EML5: variants seen among roughly 807,000 people sequenced by gnomAD.
The protein encoded by EML5 is EMAP like 5.
A neutral mutation model predicts 250.0 loss-of-function variants in EML5; 120 were observed. That is an observed-to-expected ratio of 0.48 (90% CI 0.41 to 0.56). The LOEUF (loss-of-function observed/expected upper bound fraction) is 0.56, where lower values mean the gene tolerates loss of function less well. Ranked by LOEUF, EML5 falls within the 20% of genes least tolerant of loss-of-function variation. The probability of loss-of-function intolerance (pLI) is 0.00; values close to 1 mark genes in which losing one functional copy is unlikely to be tolerated. For synonymous variants in EML5, 771 were observed against 806.5 expected, an observed-to-expected ratio of 0.96 and a Z score of 0.75; for missense variants, 2,006 against 2,437.6, an observed-to-expected ratio of 0.82 and a Z score of 3.73.
intron 32 of EML5, among the ~76,000 whole-genome samples, chr14:88,635,628 C>T (rs1459189237): frequency 2.6e-5 from 4 of 152,150 alleles, no homozygotes; most frequent in African/African-American, 9.7e-5. Flanking sequence ...AAGGCAGATA[C>T]CAATTTAGAA....
At chr14:88,695,518 T>C (rs975953295) in intron 15 of EML5, 64 bp from the exon 16 acceptor site, 11 of 1,415,704 alleles carry the variant, frequency 7.8e-6, no homozygotes, top group Admixed American at 2.0e-5. Context: ...AAACATTCAG[T>C]ATATATTCTA....
chr14:88,616,817 C>T lies in EML5; in HGVS notation c.5705G>A (p.Cys1902Tyr). 1.9e-6 allele frequency: 3 copies of T among 1,613,900 alleles called. No individual in the cohort carries two copies. Among genetic ancestry groups the T allele is most frequent in the East Asian group, 4.5e-5 (2 of 44,862 alleles). Residue 1902 changes from cysteine (C) to tyrosine (Y), a missense_variant, in exon 42 of 44, where the codon TGT (cysteine) becomes TAT (tyrosine). Coordinates refer to ENST00000554922, the MANE Select transcript of EML5 (RefSeq NM_183387.3). Reference sequence around the variant, plus strand: ...GATTCCTGAATGAGATACACAGGCACAGTTGACATCAGCTTTCTCAGCATG... The same window carrying T: ...GATTCCTGAATGAGATACACAGGCATAGTTGACATCAGCTTTCTCAGCATG... The part of the protein sequence containing the change: ...SRHAEKADVN[C>Y]ACVSHSGISL...
chr14:88,688,148 C>G, intron 18 of EML5, 123 bp downstream of exon 18: 1 of 903,834 alleles, frequency 1.1e-6, no homozygotes, highest in Non-Finnish European at 1.7e-6. Context: ...CAAGATGACC[C>G]TAGCCCACAG....
At chr14:88,787,344 A>T (rs1269069033) in intron 1 of EML5, among the ~76,000 whole-genome samples, 1 of 152,258 alleles carries the variant, frequency 6.6e-6, no homozygotes, top group African/African-American at 2.4e-5. Context: ...TGCACAAAAC[A>T]GAAGCTCAAC....
chr14:88,792,690 A>G lies in EML5; in HGVS notation c.-187T>C. On this transcript the variant is annotated 5_prime_UTR_variant, in exon 1 of 44. Transcript: ENST00000554922. The surrounding 1 kb of genome is among the most constrained non-coding windows in gnomAD (Gnocchi z 6.9). Reference sequence around the variant, plus strand: ...GCCTCAGCCCACAGGCGGGAGGAAAACCCTCGCCTCGCGGAACATGCTGAG... The same window carrying G: ...GCCTCAGCCCACAGGCGGGAGGAAAGCCCTCGCCTCGCGGAACATGCTGAG... 8.9e-7 allele frequency: 1 copy of G among 1,126,426 alleles called. No individual in the cohort carries two copies. The highest frequency in any genetic ancestry group is 1.1e-6 in the Non-Finnish European group (1 of 921,466). 69.8% of individuals were successfully genotyped at this position (1,126,426 alleles called of 1,614,324 possible).
At chr14:88,685,255 C>A (rs1297347484) in intron 19 of EML5, 113 bp from the exon 20 acceptor site, 1 of 864,026 alleles carries the variant, frequency 1.2e-6, no homozygotes, top group Non-Finnish European at 1.6e-6. Context: ...AAGGTTTTCT[C>A]CTGTATTTTA....
Position 88,657,381 on chromosome 14 carries a change from A to G in EML5, c.3999T>C (p.Asp1333=), listed in dbSNP as rs1346348496. ...PHLQQKEPSI[D]ERQGVVRGSR... is the part of the protein sequence containing the mutation. ...ATACTAAACTAAATTATTACCTTTC[A>G]TCAATTGAGGGTTCTTTTTGTTGTA... is the stretch of plus-strand genomic sequence containing the variant. Residue 1333 remains aspartate (D), a synonymous_variant, in exon 27 of 44, where the codon GAT becomes GAC. Transcript: ENST00000554922. 6.4e-7 allele frequency: 1 copy of G among 1,565,824 alleles called. No homozygotes were observed. The highest frequency in any genetic ancestry group is 8.7e-7 in the Non-Finnish European group (1 of 1,154,120).
chr14:88,783,612 A>G (rs1201979363), intron 1 of EML5, among the ~76,000 whole-genome samples: 3 of 152,240 alleles, frequency 2.0e-5, no homozygotes, highest in Non-Finnish European at 4.4e-5. Context: ...GCAAGAAGAT[A>G]TAACAATTTT....
At chr14:88,740,262 G>T in intron 5 of EML5, 125 bp downstream of exon 5, 1 of 667,434 alleles carries the variant, frequency 1.5e-6, no homozygotes. Context: ...AGATAATTCA[G>T]TTAGAAAAGC....
intron 14 of EML5, among the ~76,000 whole-genome samples, chr14:88,701,740 A>C (rs2093214557): frequency 6.6e-6 from 1 of 152,218 alleles, no homozygotes; most frequent in African/African-American, 2.4e-5. Context: ...TGAAGGCTTT[A>C]GGCTTTACTA....
chr14:88,618,068 A>G (rs2140258440), intron 41 of EML5, 160 bp downstream of exon 41: 1 of 455,940 alleles, frequency 2.2e-6, no homozygotes, highest in South Asian at 6.4e-5. Context: ...ATATTCAATA[A>G]AAAGGGGTCC....
At chr14:88,630,023 A>ATTTTTTTTTTTT (rs58382081) in intron 33 of EML5, among the ~76,000 whole-genome samples, 1 of 84,246 alleles carries the variant, frequency 1.2e-5, no homozygotes, top group Non-Finnish European at 2.2e-5. Context: ...TAAAAACTGT[A>ATTTTTTTTTTTT]TTTTTTTTTT....
chr14:88,694,194 T>C (rs989899686), intron 17 of EML5, 113 bp downstream of exon 17: 1 of 676,816 alleles, frequency 1.5e-6, no homozygotes, highest in Non-Finnish European at 2.6e-6. Context: ...TCTCCTAGTG[T>C]TCCTGCTCTA....
At chr14:88,651,511 C>T (rs1465917197) in intron 27 of EML5, among the ~76,000 whole-genome samples, 3 of 151,846 alleles carry the variant, frequency 2.0e-5, no homozygotes, top group Admixed American at 2.0e-4. Context: ...AAAATTAGGT[C>T]ACATTTTCTG....
chr14:88,622,913 G>A (rs1335680785), intron 36 of EML5, 195 bp from the exon 37 acceptor site: 4 of 406,880 alleles, frequency 9.8e-6, no homozygotes, highest in Non-Finnish European at 1.7e-5. Context: ...TAAACATCCA[G>A]TTTCAGTGAA....
At chr14:88,653,087 T>G (rs989429831) in intron 27 of EML5, among the ~76,000 whole-genome samples, 2 of 152,094 alleles carry the variant, frequency 1.3e-5, no homozygotes, top group Non-Finnish European at 2.9e-5. Flanking sequence ...CACTCATGAT[T>G]TGGCTGTTTG....
chr14:88,772,214 C>T (rs924236699), intron 1 of EML5, among the ~76,000 whole-genome samples: 1 of 152,218 alleles, frequency 6.6e-6, no homozygotes, highest in African/African-American at 2.4e-5. Context: ...GCTCTATCAT[C>T]ACCGTCATTT....
intron 8 of EML5, among the ~76,000 whole-genome samples, chr14:88,723,974 C>T (rs1178646057): frequency 2.6e-5 from 4 of 151,946 alleles, no homozygotes; most frequent in Non-Finnish European, 4.4e-5. Context: ...GGTGCAGGTA[C>T]TTTAATATGT....
Position 88,713,841 on chromosome 14 carries a change from T to TC in EML5, c.1444+1097_1444+1098insG, listed in dbSNP as rs1491568691. Among the ~76,000 whole-genome samples the TC allele has an allele frequency of 6.9e-3, 207 of 30,008 alleles. 2 individuals are homozygous for TC. The highest frequency in any genetic ancestry group is 0.017 in the African/African-American group (193 of 11,540). The allele number at this position is 30,008 out of a possible 152,430, so 19.7% of individuals were successfully genotyped here. On this transcript the variant is annotated intron_variant, in intron 9 of 43. Coordinates refer to ENST00000554922, the MANE Select transcript of EML5 (RefSeq NM_183387.3). The stretch of plus-strand genomic sequence containing the variant: ...TATTAATATTTGCAAAGTTTATTTG[T>TC]TTTTTTTTTTTTTTTGAGACAGCCT...
Sources: allele counts gnomAD v4.1 joint callset (sites outside exome capture counted in the v4.1 genomes callset), GRCh38; gene constraint gnomAD v4.1.1; non-coding constraint Gnocchi (gnomAD v3.1); transcripts MANE v1.5; gene names NCBI Gene and HGNC (gene_info 2026-07-23, HGNC 2026-07-21).